The following ACTR8 variants were observed in gnomAD, a reference collection of about 807,000 sequenced individuals.
ACTR8 encodes actin-related protein 8.
Under a neutral mutation model 84.3 loss-of-function variants are expected in ACTR8, and 70 were observed. The observed-to-expected ratio is 0.83, with a 90% CI of 0.68 to 1.01. The LOEUF (loss-of-function observed/expected upper bound fraction) is 1.01, where lower values mean the gene tolerates loss of function less well. Ranked by LOEUF, ACTR8 falls within the 50% of genes least tolerant of loss-of-function variation. The pLI is 0.00. For synonymous variants in ACTR8, 268 were observed against 275.2 expected, an observed-to-expected ratio of 0.97 and a Z score of 0.26; for missense variants, 672 against 775.4, an observed-to-expected ratio of 0.87 and a Z score of 1.58.
chr3:53,872,090 ATAC>A (rs1699890802), intron 10 of ACTR8, among the ~76,000 whole-genome samples: 1 of 152,240 alleles, frequency 6.6e-6, no homozygotes, highest in Non-Finnish European at 1.5e-5. Context: ...TTTAATGAAA[ATAC>A]TACTGAAAAA....
At chr3:53,881,860 C>A in intron 1 of ACTR8, 119 bp downstream of exon 1, 1 of 1,367,696 alleles carries the variant, frequency 7.3e-7, no homozygotes, top group South Asian at 1.3e-5. Flanking sequence ...TCCGCACTCC[C>A]CCCACCAGGG....
chr3:53,863,017 G>A (rs1559784192), downstream of ACTR8, among the ~76,000 whole-genome samples: 4 of 151,668 alleles, frequency 2.6e-5, no homozygotes, highest in African/African-American at 9.8e-5. Context: ...ACAAGATGAT[G>A]ACAAGAATAA....
At chr3:53,875,774 G>C (rs377609942) in intron 7 of ACTR8, among the ~76,000 whole-genome samples, 174 bp downstream of exon 7, 33 of 152,336 alleles carry the variant, frequency 2.2e-4, no homozygotes, top group African/African-American at 7.5e-4. Flanking sequence ...AAAATGATTC[G>C]TTTTAGTTTT....
rs1699993479 is a variant in ACTR8 at position 53,877,454 on chromosome 3, T to C, written c.511-67A>G. The C allele has an allele frequency of 3.4e-6, 5 of 1,475,252 alleles. No homozygotes were observed. The South Asian group carries it at 4.0e-5, about 12-fold the overall frequency. The allele number at this position is 1,475,252 out of a possible 1,614,324, so 91.4% of individuals were successfully genotyped here. A position where few individuals can be genotyped will look rare whatever the true frequency, so the allele number is the denominator to read the frequency against. The stretch of plus-strand genomic sequence containing the variant: ...TCTCTCAAGGTTTTCTGGATTCATA[T>C]CCAAAAATCTAACTAACGTTTGCTG... On this transcript the variant is annotated intron_variant, in intron 4 of 12. Coordinates refer to ENST00000335754, the MANE Select transcript of ACTR8 (RefSeq NM_022899.5).
chr3:53,871,677 G>A (rs1699885649), intron 10 of ACTR8, among the ~76,000 whole-genome samples, 181 bp from the exon 11 acceptor site: 1 of 152,226 alleles, frequency 6.6e-6, no homozygotes, highest in Non-Finnish European at 1.5e-5. Flanking sequence ...AGATGAAGAT[G>A]CTTTGACCAT....
At position 53,880,019 on chromosome 3, in the gene ACTR8, G is replaced by T. The variant is rs560149594; in HGVS notation, c.214C>A (p.Pro72Thr). 6.2e-7 allele frequency: 1 copy of T among 1,614,190 alleles called. No individual in the cohort carries two copies. Among genetic ancestry groups the T allele is most frequent in the South Asian group, 1.1e-5 (1 of 91,088 alleles). The change falls in exon 2 of 13, where the codon CCT becomes ACT. Residue 72 changes from proline (P) to threonine (T), a missense_variant. By Grantham distance (38) the Pro-to-Thr change is conservative. Transcript: ENST00000335754. ...RATDTLPASIPHVIARRHKQQ... is the reference protein window; with the variant it reads ...RATDTLPASITHVIARRHKQQ... ...TTGTGTCTTCGGGCAATGACGTGAG[G>T]AATGCTGGCAGGAAGAGTGTCTGTG...
At chr3:53,864,930 T>C (rs1352653313), downstream of ACTR8, 2 of 1,614,108 alleles carry the variant, frequency 1.2e-6, no homozygotes, top group East Asian at 2.2e-5. Context: ...CAGAGATGGG[T>C]CCAGTGCAGT....
At chr3:53,861,572 A>G in the ACTR8 span, 1 of 152,236 alleles carries the variant, frequency 6.6e-6, no homozygotes, top group African/African-American at 2.4e-5. Context: ...GTAGACTCTA[A>G]TATGATTTGA....
chr3:53,880,246 T>C, intron 1 of ACTR8, 137 bp from the exon 2 acceptor site: 1 of 898,382 alleles, frequency 1.1e-6, no homozygotes, highest in African/African-American at 1.7e-5. Flanking sequence ...CTTTGAGAAG[T>C]ATCCAATTAC....
At chr3:53,866,550 C>T (rs1699785803), downstream of ACTR8, among the ~76,000 whole-genome samples, 3 of 151,960 alleles carry the variant, frequency 2.0e-5, no homozygotes, top group African/African-American at 7.2e-5. Context: ...GGCGTGACCT[C>T]GGCTCACTAC....
At chr3:53,880,177 C>T in intron 1 of ACTR8, 68 bp from the exon 2 acceptor site, 2 of 1,474,240 alleles carry the variant, frequency 1.4e-6, no homozygotes, top group South Asian at 1.2e-5. Context: ...AAACAACATA[C>T]ACATAACAAG....
At chr3:53,880,893 G>A (rs1224247771) in intron 1 of ACTR8, among the ~76,000 whole-genome samples, 1 of 152,214 alleles carries the variant, frequency 6.6e-6, no homozygotes, top group East Asian at 1.9e-4. Context: ...GGATGGAGGA[G>A]GTACTTGCTT....
At chr3:53,876,194 G>A (rs991438176) in intron 6 of ACTR8, 114 bp from the exon 7 acceptor site, 98 of 1,283,254 alleles carry the variant, frequency 7.6e-5, no homozygotes, top group Non-Finnish European at 9.1e-5. Flanking sequence ...GGGCATCTGA[G>A]GAACACTGAT....
intron 12 of ACTR8, among the ~76,000 whole-genome samples, chr3:53,869,601 C>G (rs1481876617): frequency 2.0e-5 from 3 of 152,216 alleles, no homozygotes; most frequent in African/African-American, 7.2e-5. Context: ...ATAGTTCAAA[C>G]CAAAAAGATC....
the ACTR8 span, chr3:53,859,746 C>T: frequency 6.3e-6 from 1 of 158,498 alleles, no homozygotes. Flanking sequence ...TCCTGGGTCC[C>T]ATATCCCTTT....
In ACTR8 at chr3:53,868,759, C is replaced by T; in HGVS notation, c.1835G>A (p.Gly612Asp). The T allele has an allele frequency of 6.2e-7, 1 of 1,614,238 alleles. No homozygotes were observed. The highest frequency in any genetic ancestry group is 8.5e-7 in the Non-Finnish European group (1 of 1,180,052). ...WIYQREWQRF[G>D]VRMLRERAAF... is the part of the protein sequence containing the mutation. Reference sequence around the variant, plus strand: ...AGCCCGCTCTCGTAACATGCGGACACCAAAGCGCTGCCACTCTCGCTGATA... The same window carrying T: ...AGCCCGCTCTCGTAACATGCGGACATCAAAGCGCTGCCACTCTCGCTGATA... Residue 612 changes from glycine (G) to aspartate (D), a missense_variant, in exon 13 of 13, where the codon GGT (glycine) becomes GAT (aspartate). Physicochemically the swap from Gly to Asp is moderately conservative, Grantham distance 94 (BLOSUM62 -1). Coordinates refer to ENST00000335754, the MANE Select transcript of ACTR8 (RefSeq NM_022899.5).
At position 53,878,232 on chromosome 3, in the gene ACTR8, G is replaced by GAT. The variant is rs1196232488; in HGVS notation, c.405+124_405+125insAT. 37 of 773,202 alleles carry GAT rather than the reference G, an allele frequency of 4.8e-5. No individual in the cohort carries two copies. In the African/African-American group the frequency reaches 6.4e-4, roughly 13 times the overall value. The allele number at this position is 773,202 out of a possible 1,614,324, so 47.9% of individuals were successfully genotyped here. A position where few individuals can be genotyped will look rare whatever the true frequency, so the allele number is the denominator to read the frequency against. ...TCGGGTATTCTTTAAGTGGTTATGA[G>GAT]GGGTTTTCTTCCTTTTTAAGGAACT... On this transcript the variant is annotated intron_variant, in intron 3 of 12. Transcript: ENST00000335754.
downstream of ACTR8, chr3:53,864,720 T>C: frequency 4.6e-6 from 7 of 1,529,788 alleles, no homozygotes; most frequent in Non-Finnish European, 6.2e-6. Flanking sequence ...TGTTCACAGA[T>C]AACAAATGCT....
Position 53,868,829 on chromosome 3 carries a change from C to G in ACTR8, c.1765G>C (p.Gly589Arg), listed in dbSNP as rs200802750. ...GTATCCAAACAAGCCAACACTGCCC[C>G]TCCTTTCCATGCAATCAGCCGGGGG... ...MDPRLIAWKG[G>R]AVLACLDTTQ... Residue 589 changes from glycine (G) to arginine (R), a missense_variant, in exon 13 of 13, where the codon GGG becomes CGG. Coordinates refer to ENST00000335754, the MANE Select transcript of ACTR8 (RefSeq NM_022899.5). 24 of 1,614,182 alleles carry G rather than the reference C, an allele frequency of 1.5e-5. No homozygotes were observed. In the East Asian group the frequency reaches 5.3e-4, roughly 36 times the overall value.
Sources: allele counts gnomAD v4.1 joint callset (sites outside exome capture counted in the v4.1 genomes callset), GRCh38; gene constraint gnomAD v4.1.1; transcripts MANE v1.5; gene names NCBI Gene and HGNC (gene_info 2026-07-23, HGNC 2026-07-21).